The following SLC35F3 variants were observed in gnomAD, a reference collection of about 807,000 sequenced individuals.
SLC35F3 encodes solute carrier family 35 member F3, also known as putative thiamine transporter SLC35F3.
SLC35F3 carries 25 observed loss-of-function variants against 49.9 expected under a neutral mutation model. The observed-to-expected ratio is 0.50, with a 90% CI of 0.37 to 0.70. The LOEUF is 0.70. Among genes scored for constraint, SLC35F3 ranks in the 30% least tolerant of loss-of-function variants. The pLI, the probability that SLC35F3 is intolerant of heterozygous loss-of-function variation, is 0.00. For synonymous variants in SLC35F3, 275 were observed against 265.4 expected (o/e 1.04, Z -0.35); for missense variants, 525 against 639.8 (o/e 0.82, Z 1.94).
intron 2 of SLC35F3, among the ~76,000 whole-genome samples, chr1:233,991,655 A>G (rs7528787): frequency 0.28 from 41,868 of 151,722 alleles, 5,964 homozygotes; most frequent in East Asian, 0.49. Context: ...ACTTATGACC[A>G]CTACAAGTAT....
At chr1:234,111,111 A>G (rs2102887811) in intron 2 of SLC35F3, among the ~76,000 whole-genome samples, 1 of 152,314 alleles carries the variant, frequency 6.6e-6, no homozygotes, top group South Asian at 2.1e-4. Context: ...TTATAATCAG[A>G]GGAAAGAAAT....
rs546427139 is a variant in SLC35F3 at position 234,118,338 on chromosome 1, G to A, written c.284-113079G>A. Among the ~76,000 whole-genome samples, 245 of 152,252 alleles carry A rather than the reference G, an allele frequency of 1.6e-3. 2 individuals are homozygous for A. Among genetic ancestry groups the A allele is most frequent in the African/African-American group, 5.7e-3 (237 of 41,562 alleles). ...AACAAGCATTTTGTATGAAGAGTTT[G>A]TATCGTCGGATTTCCATCTCCATTG... On this transcript the variant is annotated intron_variant, in intron 2 of 7. Transcript: ENST00000366618.
At chr1:234,093,719 C>T (rs1299272230) in intron 2 of SLC35F3, among the ~76,000 whole-genome samples, 1 of 152,230 alleles carries the variant, frequency 6.6e-6, no homozygotes, top group Admixed American at 6.5e-5. Context: ...CCTGCCGGGG[C>T]ATTCTCTGCC....
At chr1:234,284,071 A>G (rs1668371786) in intron 3 of SLC35F3, among the ~76,000 whole-genome samples, 1 of 152,036 alleles carries the variant, frequency 6.6e-6, no homozygotes, top group Non-Finnish European at 1.5e-5. Context: ...ACACCTGACT[A>G]ATTTTTTAAT....
In SLC35F3 at chr1:233,905,111, A is replaced by C. The variant is rs1661749623; in HGVS notation, c.34A>C (p.Arg12=). 1 of 1,561,628 alleles carries C rather than the reference A, an allele frequency of 6.4e-7. No individual in the cohort carries two copies. Among genetic ancestry groups the C allele is most frequent in the Non-Finnish European group, 8.7e-7 (1 of 1,151,742 alleles). The change falls in exon 1 of 8, where the codon AGG becomes CGG. Residue 12 remains arginine, a synonymous_variant. Transcript: ENST00000366618. ...TCGAGAGTTTCCCAGCGGCGCACCC[A>C]GGGGCAAGAGCATTGCCGTGTGAGT... The part of the protein sequence containing the change: ...GIREFPSGAP[R]GKSIAVGMRR...
chr1:233,999,457 C>A (rs892236318), intron 2 of SLC35F3, among the ~76,000 whole-genome samples: 1 of 152,158 alleles, frequency 6.6e-6, no homozygotes, highest in African/African-American at 2.4e-5. Flanking sequence ...TTCCTGGAAG[C>A]CAAAGCCTAG....
intron 3 of SLC35F3, among the ~76,000 whole-genome samples, chr1:234,279,158 C>T (rs1309636107): frequency 6.6e-6 from 1 of 152,118 alleles, no homozygotes; most frequent in East Asian, 1.9e-4. Flanking sequence ...GGCAGGACAA[C>T]TGTAAGTGGG....
At chr1:234,120,752 C>A (rs1047061946) in intron 2 of SLC35F3, among the ~76,000 whole-genome samples, 1 of 152,224 alleles carries the variant, frequency 6.6e-6, no homozygotes, top group Non-Finnish European at 1.5e-5. Context: ...CACCGCCATG[C>A]CCTGCAGGAC....
intron 3 of SLC35F3, among the ~76,000 whole-genome samples, chr1:234,238,629 C>A (rs1404022681): frequency 6.6e-6 from 1 of 152,106 alleles, no homozygotes; most frequent in African/African-American, 2.4e-5. Context: ...CCCACCCCAC[C>A]ACCACATCTC....
chr1:234,307,247 A>T (rs1262557091), intron 3 of SLC35F3, among the ~76,000 whole-genome samples: 1 of 152,234 alleles, frequency 6.6e-6, no homozygotes, highest in Non-Finnish European at 1.5e-5. Context: ...GAATCAATTC[A>T]GTTGAATCGG....
chr1:234,072,958 A>G (rs1664740121), intron 2 of SLC35F3, among the ~76,000 whole-genome samples: 1 of 152,158 alleles, frequency 6.6e-6, no homozygotes. Context: ...AGATGGTGGG[A>G]GGACAGGCGT....
At chr1:233,922,932 A>C (rs914832785) in intron 2 of SLC35F3, among the ~76,000 whole-genome samples, 2 of 152,074 alleles carry the variant, frequency 1.3e-5, no homozygotes, top group Non-Finnish European at 2.9e-5. Context: ...TGTTTTTGTC[A>C]GGTTTGTCAA....
At chr1:233,906,674 G>C (rs1661783074) in intron 2 of SLC35F3, among the ~76,000 whole-genome samples, 1 of 151,700 alleles carries the variant, frequency 6.6e-6, no homozygotes, top group Non-Finnish European at 1.5e-5. Flanking sequence ...AGTTTTTTTC[G>C]ACCTTTTATT....
At chr1:234,065,055 G>T (rs1175113499) in intron 2 of SLC35F3, among the ~76,000 whole-genome samples, 1 of 152,164 alleles carries the variant, frequency 6.6e-6, no homozygotes, top group Non-Finnish European at 1.5e-5. Context: ...CAGTTGGTGT[G>T]CATCTGGGAA....
intron 2 of SLC35F3, among the ~76,000 whole-genome samples, chr1:233,984,714 C>A (rs1663239511): frequency 6.6e-6 from 1 of 152,138 alleles, no homozygotes; most frequent in African/African-American, 2.4e-5. Flanking sequence ...AAATTTAGAA[C>A]AAAGAATGGC....
At chr1:234,190,120 G>T (rs556607262) in intron 2 of SLC35F3, among the ~76,000 whole-genome samples, 1 of 152,242 alleles carries the variant, frequency 6.6e-6, no homozygotes, top group South Asian at 2.1e-4. Flanking sequence ...CCTCTTTAAA[G>T]CATGGGTCTC....
intron 2 of SLC35F3, among the ~76,000 whole-genome samples, chr1:234,152,574 T>C (rs900147283): frequency 2.6e-5 from 4 of 152,218 alleles, no homozygotes; most frequent in African/African-American, 9.6e-5. Flanking sequence ...TTTTTATGAT[T>C]GCATAGTATT....
At chr1:234,250,289 G>T (rs1469556498) in intron 3 of SLC35F3, among the ~76,000 whole-genome samples, 1 of 152,188 alleles carries the variant, frequency 6.6e-6, no homozygotes, top group Non-Finnish European at 1.5e-5. Flanking sequence ...ATGGAGTGGG[G>T]CAATGGCCCC....
At chr1:234,106,512 C>G (rs551580428) in intron 2 of SLC35F3, among the ~76,000 whole-genome samples, 3 of 152,304 alleles carry the variant, frequency 2.0e-5, no homozygotes, top group East Asian at 3.9e-4. Flanking sequence ...GACAGCACCT[C>G]CTTGCTGTAT....
Sources: allele counts gnomAD v4.1 joint callset (sites outside exome capture counted in the v4.1 genomes callset), GRCh38; gene constraint gnomAD v4.1.1; transcripts MANE v1.5; gene names NCBI Gene and HGNC (gene_info 2026-07-23, HGNC 2026-07-21).